The following TMIGD3 variants were observed in gnomAD, a reference collection of about 807,000 sequenced individuals.
TMIGD3 encodes transmembrane and immunoglobulin domain containing 3.
In TMIGD3, 21 loss-of-function variants were observed where a neutral mutation model predicts 28.1. That is an observed-to-expected ratio of 0.75 (90% CI 0.53 to 1.08). The LOEUF (loss-of-function observed/expected upper bound fraction) is 1.08. Ranked by LOEUF, TMIGD3 falls within the 50% of genes least tolerant of loss-of-function variation. The pLI, the probability that TMIGD3 is intolerant of heterozygous loss-of-function variation, is 0.00. For synonymous variants in TMIGD3, 151 were observed against 162.1 expected (o/e 0.93, Z 0.52); for missense variants, 416 against 435.6 (o/e 0.96, Z 0.40).
intron 1 of TMIGD3, among the ~76,000 whole-genome samples, chr1:111,496,322 T>C (rs1654886813): frequency 6.6e-6 from 1 of 152,168 alleles, no homozygotes; most frequent in South Asian, 2.1e-4. Flanking sequence ...GCCCCACTTC[T>C]AGTTACCCTG....
chr1:111,528,061 A>G (rs1261341427), intron 1 of TMIGD3, among the ~76,000 whole-genome samples: 17 of 152,050 alleles, frequency 1.1e-4, no homozygotes, highest in Admixed American at 1.1e-3. Context: ...AGTTGTATAT[A>G]AAAACGCATC....
intron 1 of TMIGD3, among the ~76,000 whole-genome samples, chr1:111,555,845 T>G (rs961787302): frequency 2.0e-5 from 3 of 152,140 alleles, no homozygotes; most frequent in Non-Finnish European, 2.9e-5. Context: ...TTCACAGCAT[T>G]GGATTTGGCA....
intron 1 of TMIGD3, among the ~76,000 whole-genome samples, chr1:111,527,469 C>T (rs1046653023): frequency 2.0e-5 from 3 of 152,180 alleles, no homozygotes; most frequent in Admixed American, 6.5e-5. Flanking sequence ...GTTACAAACA[C>T]TCATGTGTAG....
intron 4 of TMIGD3, 94 bp from the exon 5 acceptor site, chr1:111,485,934 C>G: frequency 1.1e-6 from 1 of 927,780 alleles, no homozygotes; most frequent in South Asian, 1.6e-5. Context: ...TGCACCCCTG[C>G]CCACCCCCCA....
At chr1:111,504,868 T>G (rs540765317), upstream of TMIGD3, 3 of 985,280 alleles carry the variant, frequency 3.0e-6, no homozygotes, top group African/African-American at 5.2e-5. Context: ...ATCCCATACT[T>G]GTCCCCGCCA....
rs531944124 is a variant in TMIGD3, at chr1:111,523,528, C to T, written c.108-32766G>A. Among the ~76,000 whole-genome samples the T allele has an allele frequency of 5.3e-5, 8 of 152,114 alleles. No individual in the cohort carries two copies. In the East Asian group the frequency reaches 7.7e-4, roughly 15 times the overall value. On this transcript the variant is annotated intron_variant, in intron 1 of 5. Transcript: ENST00000369717. ...GTCACAAAGAGTGGATTTCATAGAACGAGCTGGGAAGTATTTTCTTCAATT... is the reference window on the plus strand; with the variant it reads ...GTCACAAAGAGTGGATTTCATAGAATGAGCTGGGAAGTATTTTCTTCAATT...
intron 1 of TMIGD3, among the ~76,000 whole-genome samples, chr1:111,561,869 G>A (rs972746095): frequency 2.0e-5 from 3 of 152,032 alleles, no homozygotes; most frequent in Admixed American, 1.3e-4. Flanking sequence ...TCAGGGCCAA[G>A]CATTTTTGGC....
intron 1 of TMIGD3, among the ~76,000 whole-genome samples, chr1:111,553,952 G>T (rs183764677): frequency 1.3e-5 from 2 of 152,304 alleles, no homozygotes; most frequent in Non-Finnish European, 2.9e-5. Flanking sequence ...TTCCATATGG[G>T]CATGCATTGC....
chr1:111,496,940 C>T (rs957081673), intron 1 of TMIGD3, among the ~76,000 whole-genome samples: 5 of 152,154 alleles, frequency 3.3e-5, no homozygotes, highest in South Asian at 2.1e-4. Flanking sequence ...TCAACATCCA[C>T]CCTAGTTCCA....
chr1:111,489,045 ACGCACACGTG>A, intron 2 of TMIGD3, 21 bp from the exon 3 acceptor site: 1 of 1,553,584 alleles, frequency 6.4e-7, no homozygotes, highest in South Asian at 1.2e-5. Context: ...ACACACACAC[ACGCACACGTG>A]CACACACACA....
chr1:111,491,652 C>A (rs573349983), intron 1 of TMIGD3, among the ~76,000 whole-genome samples: 1 of 152,276 alleles, frequency 6.6e-6, no homozygotes, highest in East Asian at 1.9e-4. Flanking sequence ...ATCTACATCA[C>A]CTCAGTTGCT....
intron 1 of TMIGD3, among the ~76,000 whole-genome samples, chr1:111,495,226 AG>A (rs1244412844): frequency 2.4e-4 from 36 of 152,360 alleles, no homozygotes; most frequent in African/African-American, 8.4e-4. Context: ...CATCTGACAA[AG>A]GTCTAATATC....
rs544630943 is a variant in TMIGD3, at chr1:111,486,564, A to G, written c.872+22T>C. The G allele has an allele frequency of 3.9e-5, 62 of 1,593,120 alleles. No individual in the cohort carries two copies. The South Asian group carries it at 5.9e-4, about 15-fold the overall frequency. On this transcript the variant is annotated intron_variant, in intron 4 of 5. Coordinates refer to ENST00000369716, the MANE Select transcript of TMIGD3 (RefSeq NM_020683.7). ...CCACCCCACCGCCCCAAGCCCATTC[A>G]TCCGCCAAGACTATGACTCACCTGG... is the stretch of plus-strand genomic sequence containing the variant.
intron 3 of TMIGD3, among the ~76,000 whole-genome samples, chr1:111,488,367 A>ACATAAAGAT (rs1424125912): frequency 6.6e-6 from 1 of 152,228 alleles, no homozygotes; most frequent in Admixed American, 6.5e-5. Context: ...AAGCCTTTCA[A>ACATAAAGAT]CATAAAGATC....
At chr1:111,486,108 G>A (rs942942595) in intron 4 of TMIGD3, among the ~76,000 whole-genome samples, 2 of 152,162 alleles carry the variant, frequency 1.3e-5, no homozygotes, top group African/African-American at 2.4e-5. Context: ...TCTCAGACTG[G>A]CCAGTCTCTT....
intron 1 of TMIGD3, among the ~76,000 whole-genome samples, chr1:111,493,063 T>C (rs1484874432): frequency 2.6e-5 from 4 of 152,122 alleles, no homozygotes; most frequent in African/African-American, 9.7e-5. Flanking sequence ...TATCTAAAAT[T>C]TCAAGATAGT....
intron 1 of TMIGD3, among the ~76,000 whole-genome samples, chr1:111,513,623 G>A (rs1037787500): frequency 1.3e-5 from 2 of 152,100 alleles, no homozygotes; most frequent in African/African-American, 4.8e-5. Flanking sequence ...AAGTCAACTG[G>A]CCTGCTCAGT....
chr1:111,503,244 G>T lies in TMIGD3; in HGVS notation c.111C>A (p.Val37=). 6.2e-7 allele frequency: 1 copy of T among 1,614,218 alleles called. No homozygotes were observed. The highest frequency in any genetic ancestry group is 1.1e-5 in the South Asian group (1 of 91,060). Residue 37 remains valine, a synonymous_variant, in exon 1 of 6, where the codon GTC becomes GTA. Transcript: ENST00000369716. ...TGGTCTGCAGGCTGGGGTTCAGCTT[G>T]ACCACGCAGATGACCAGCACGTTGC... is the stretch of plus-strand genomic sequence containing the variant. ...IVGNVLVICV[V]KLNPSLQTTT...
At chr1:111,563,919 T>C (rs1657846193) in exon 1 of TMIGD3, 1 of 1,613,800 alleles carries the variant, frequency 6.2e-7, no homozygotes, top group Non-Finnish European at 8.5e-7. Flanking sequence ...CTGGCCTCCT[T>C]CTGCTCAATG....
Sources: allele counts gnomAD v4.1 joint callset (sites outside exome capture counted in the v4.1 genomes callset), GRCh38; gene constraint gnomAD v4.1.1; transcripts MANE v1.5; gene names NCBI Gene and HGNC (gene_info 2026-07-23, HGNC 2026-07-21).